PLXNA4: variants seen among roughly 807,000 people sequenced by gnomAD.
PLXNA4 encodes the protein plexin A4, also known as plexin-A4.
In PLXNA4, 44 loss-of-function variants were observed where a neutral mutation model predicts 191.8. The ratio of observed to expected loss-of-function variants is 0.23; its 90% CI spans 0.18 to 0.29. The LOEUF (loss-of-function observed/expected upper bound fraction) is 0.29. Among genes scored for constraint, PLXNA4 ranks in the 10% least tolerant of loss-of-function variants. The pLI, the probability that PLXNA4 is intolerant of heterozygous loss-of-function variation, is 1.00. For synonymous variants in PLXNA4, 1,082 were observed against 1,009.5 expected (o/e 1.07, Z -1.36); for missense variants, 1,800 against 2,488.8 (o/e 0.72, Z 5.89).
chr7:132,324,600 G>C (rs1048670346), intron 3 of PLXNA4, among the ~76,000 whole-genome samples: 1 of 152,162 alleles, frequency 6.6e-6, no homozygotes, highest in African/African-American at 2.4e-5. Context: ...AGATTTATTT[G>C]GGATAAACCA....
chr7:132,184,543 C>T (rs966192365), intron 16 of PLXNA4, among the ~76,000 whole-genome samples: 11 of 152,216 alleles, frequency 7.2e-5, no homozygotes, highest in African/African-American at 2.4e-4. Context: ...ACATACCACT[C>T]CAGGGACCCT....
At chr7:132,142,320 G>A (rs761458434) in intron 29 of PLXNA4, among the ~76,000 whole-genome samples, 24 of 152,202 alleles carry the variant, frequency 1.6e-4, no homozygotes, top group Admixed American at 5.2e-4. Flanking sequence ...TCCCACCTCT[G>A]CCTCCTGCCA....
chr7:132,224,168 G>A (rs978789361), intron 8 of PLXNA4, among the ~76,000 whole-genome samples: 16 of 152,102 alleles, frequency 1.1e-4, no homozygotes, highest in African/African-American at 3.4e-4. Context: ...AAGAGCTCCT[G>A]ACTCCTTAAA....
chr7:132,540,628 C>T (rs1041553105), intron 1 of PLXNA4, among the ~76,000 whole-genome samples: 23 of 129,852 alleles, frequency 1.8e-4, no homozygotes, highest in Non-Finnish European at 1.6e-4. Context: ...TCGCCCAGGC[C>T]GGACTGCGGA....
chr7:132,158,209 T>A (rs1257212261), intron 25 of PLXNA4, among the ~76,000 whole-genome samples: 1 of 152,232 alleles, frequency 6.6e-6, no homozygotes. Flanking sequence ...GAGGAGTTAC[T>A]ACAACTTCCT....
chr7:132,311,191 T>TGCGC (rs1263486744), intron 3 of PLXNA4, among the ~76,000 whole-genome samples: 1 of 128,548 alleles, frequency 7.8e-6, no homozygotes, highest in African/African-American at 3.0e-5. Flanking sequence ...TGTGTGTGTG[T>TGCGC]GTGCGCGTGT....
chr7:132,580,372 G>A (rs542626035), upstream of PLXNA4, among the ~76,000 whole-genome samples: 173 of 152,190 alleles, frequency 1.1e-3, 2 homozygotes, highest in Middle Eastern at 0.01. Context: ...CCCTTGGTGA[G>A]GGCTAAGGGA....
chr7:132,646,239 A>T (rs1469525198), intron 1 of PLXNA4, among the ~76,000 whole-genome samples: 1 of 151,346 alleles, frequency 6.6e-6, no homozygotes, highest in Non-Finnish European at 1.5e-5. Context: ...AGAGCTACGG[A>T]CTCTCTCGGG....
chr7:132,227,023 C>T (rs116705479), intron 7 of PLXNA4, among the ~76,000 whole-genome samples: 2 of 152,224 alleles, frequency 1.3e-5, no homozygotes, highest in African/African-American at 2.4e-5. Context: ...TGGGGAGACC[C>T]GGTAGGGCAG....
chr7:132,174,155 C>G (rs1231181680), intron 21 of PLXNA4, among the ~76,000 whole-genome samples: 1 of 152,148 alleles, frequency 6.6e-6, no homozygotes. Context: ...TTTCACTTTT[C>G]TCTGGTATTT....
chr7:132,563,829 TCTCCTC>T (rs1169539605), intron 1 of PLXNA4, among the ~76,000 whole-genome samples: 3 of 23,974 alleles, frequency 1.3e-4, no homozygotes, highest in African/African-American at 3.8e-4. Context: ...TCCTCCTCCT[TCTCCTC>T]CTCCTCCTTC....
chr7:132,157,749 C>G (rs1486719085), intron 25 of PLXNA4, among the ~76,000 whole-genome samples: 1 of 152,204 alleles, frequency 6.6e-6, no homozygotes, highest in Non-Finnish European at 1.5e-5. Context: ...AACAAAGGAA[C>G]AGTGGGTGCT....
chr7:132,410,760 T>C (rs896275470), intron 3 of PLXNA4, among the ~76,000 whole-genome samples: 2 of 152,184 alleles, frequency 1.3e-5, no homozygotes, highest in Non-Finnish European at 2.9e-5. Flanking sequence ...TTTACTCATC[T>C]CCATCAGGAG....
rs201581611 is a variant in PLXNA4 at position 132,124,867 on chromosome 7, G to A, written c.*5612C>T. 8 of 152,260 alleles carry A rather than the reference G, an allele frequency of 5.3e-5. No individual in the cohort carries two copies. In the South Asian group the frequency reaches 8.3e-4, roughly 16 times the overall value. The allele number at this position is 152,260 out of a possible 1,614,324, so 9.4% of individuals were successfully genotyped here. A position where few individuals can be genotyped will look rare whatever the true frequency, so the allele number is the denominator to read the frequency against. ...TTTTGTATATGAAGGATTTTGTTTC[G>A]TTTTGTTTAACTTTGCTTTGCTTTC... is the stretch of plus-strand genomic sequence containing the variant. On this transcript the variant is annotated 3_prime_UTR_variant, in exon 32 of 32. Transcript: ENST00000321063.
chr7:132,563,060 TCTCCTC>T (rs1179123764), intron 1 of PLXNA4, among the ~76,000 whole-genome samples: 3 of 40,570 alleles, frequency 7.4e-5, no homozygotes, highest in Admixed American at 2.7e-4. Context: ...TCTGCCTCCT[TCTCCTC>T]CTCCTCCTCC....
chr7:132,439,268 C>T (rs1214396713), intron 3 of PLXNA4, among the ~76,000 whole-genome samples: 2 of 152,134 alleles, frequency 1.3e-5, no homozygotes, highest in Admixed American at 6.5e-5. Flanking sequence ...CATAGAGTCC[C>T]GCCCCGGCCA....
intron 3 of PLXNA4, among the ~76,000 whole-genome samples, chr7:132,479,454 A>G (rs1195498487): frequency 6.6e-6 from 1 of 152,138 alleles, no homozygotes; most frequent in Non-Finnish European, 1.5e-5. Flanking sequence ...AGGGAAACCC[A>G]GGAAGCCAAC....
Position 132,531,975 on chromosome 7 carries a change from T to C in PLXNA4, c.-86-23196A>G, listed in dbSNP as rs76183370. Among the ~76,000 whole-genome samples, 9 of 152,314 alleles carry C rather than the reference T, an allele frequency of 5.9e-5. No individual in the cohort carries two copies. The East Asian group carries it at 1.7e-3, about 29-fold the overall frequency. On this transcript the variant is annotated intron_variant, in intron 1 of 31. Transcript: ENST00000321063. ...GATGCGGTAACTCAAAATCCGACAT[T>C]GTAAATCCTAGAACCACAAAAGGGG...
Position 132,130,580 on chromosome 7 carries a change from G to T in PLXNA4, c.5590-6C>A, listed in dbSNP as rs1794899091. The stretch of plus-strand genomic sequence containing the variant: ...TGGTCCAGAGGTCCAAGGATCTGCG[G>T]AAGGGCCAAGAACAGGGAGATTACT... On this transcript the variant is annotated splice_polypyrimidine_tract_variant and splice_region_variant and intron_variant, in intron 31 of 31. Transcript: ENST00000321063. The T allele has an allele frequency of 2.5e-6, 4 of 1,614,098 alleles. No homozygotes were observed. The highest frequency in any genetic ancestry group is 3.4e-6 in the Non-Finnish European group (4 of 1,179,980).
Sources: gnomAD v4.1 joint callset for allele counts (sites outside exome capture counted in the v4.1 genomes callset) on GRCh38, gnomAD v4.1.1 for gene constraint, MANE v1.5 for transcripts, NCBI Gene and HGNC (gene_info 2026-07-23, HGNC 2026-07-21) for gene names.